The following EYA4 variants were observed in gnomAD, a reference collection of about 807,000 sequenced individuals.
EYA4 encodes the protein protein phosphatase EYA4.
Under a neutral mutation model 87.9 loss-of-function variants are expected in EYA4, and 31 were observed. That is an observed-to-expected ratio of 0.35 (90% CI 0.27 to 0.48). The LOEUF is 0.48. Among genes scored for constraint, EYA4 ranks in the 20% least tolerant of loss-of-function variants. The pLI is 0.99. For missense variants in EYA4, 678 were observed against 761.4 expected, an observed-to-expected ratio of 0.89 and a Z score of 1.29; for synonymous variants, 263 against 270.6, an observed-to-expected ratio of 0.97 and a Z score of 0.28.
rs553385572 is a variant in EYA4, at chr6:133,448,243, T to C, written c.277+64T>C. The stretch of plus-strand genomic sequence containing the variant: ...GTGGATTTGCCCCTCTGGATTGCTG[T>C]CTGTTGCTATGTCTATGTTTGCATC... On this transcript the variant is annotated intron_variant, in intron 5 of 19. Transcript: ENST00000355286. 3 of 1,158,636 alleles carry C rather than the reference T, an allele frequency of 2.6e-6. No homozygotes were observed. In the African/African-American group the frequency reaches 4.5e-5, roughly 18 times the overall value. 71.8% of individuals were successfully genotyped at this position (1,158,636 alleles called of 1,614,324 possible).
chr6:133,264,000 T>C (rs562305742), intron 1 of EYA4, among the ~76,000 whole-genome samples: 1 of 152,212 alleles, frequency 6.6e-6, no homozygotes, highest in Non-Finnish European at 1.5e-5. Context: ...CAGTAGGGAA[T>C]GTACTCCCCC....
chr6:133,379,570 A>G (rs1351770951), intron 2 of EYA4, among the ~76,000 whole-genome samples: 1 of 152,138 alleles, frequency 6.6e-6, no homozygotes, highest in African/African-American at 2.4e-5. Flanking sequence ...AAGATCTGAT[A>G]ATATTCTAGT....
intron 3 of EYA4, among the ~76,000 whole-genome samples, chr6:133,401,468 A>G (rs781080853): frequency 3.7e-4 from 57 of 152,184 alleles, no homozygotes; most frequent in Non-Finnish European, 7.2e-4. Flanking sequence ...CCCTGATTTG[A>G]TTATATGAAT....
intron 2 of EYA4, among the ~76,000 whole-genome samples, chr6:133,275,429 C>G (rs1302843646): frequency 6.6e-6 from 1 of 152,128 alleles, no homozygotes; most frequent in Admixed American, 6.5e-5. Context: ...CACACCCCCA[C>G]GCCTTCACAC....
chr6:133,332,001 T>A (rs966670892), intron 2 of EYA4, among the ~76,000 whole-genome samples: 2 of 152,210 alleles, frequency 1.3e-5, no homozygotes, highest in African/African-American at 2.4e-5. Flanking sequence ...ACCAGGGTTA[T>A]ATGGGTAATA....
At position 133,468,590 on chromosome 6, in the gene EYA4, G is replaced by C. The variant is rs9493627; in HGVS notation, c.829G>C (p.Gly277Arg). 5 of 1,611,506 alleles carry C rather than the reference G, an allele frequency of 3.1e-6. No homozygotes were observed. The highest frequency in any genetic ancestry group is 4.2e-6 in the Non-Finnish European group (5 of 1,178,272). The part of the protein sequence containing the change: ...QQDYPSYTAF[G>R]QNQYAQYYSA... The stretch of plus-strand genomic sequence containing the variant: ...GGATTATCCATCCTATACAGCCTTT[G>C]GCCAAAACCAGTATGCACAGTATTA... Residue 277 changes from glycine to arginine, a missense_variant, in exon 11 of 20, where the codon GGC becomes CGC. Gly to Arg is a moderately radical substitution (Grantham distance 125). Transcript: ENST00000355286.
chr6:133,360,205 AACAT>A, intron 2 of EYA4: 1 of 152,256 alleles, frequency 6.6e-6, no homozygotes, highest in Non-Finnish European at 1.5e-5. Context: ...TTAATTAGAC[AACAT>A]TTACAAGTAA....
chr6:133,243,785 GCATT>G (rs1417989799), intron 1 of EYA4, among the ~76,000 whole-genome samples: 2 of 151,816 alleles, frequency 1.3e-5, no homozygotes, highest in Non-Finnish European at 2.9e-5. Flanking sequence ...TTAGGAGACT[GCATT>G]CAAAGACATT....
chr6:133,525,091 A>C (rs2128817010), intron 18 of EYA4, 63 bp from the exon 19 acceptor site: 1 of 1,613,668 alleles, frequency 6.2e-7, no homozygotes, highest in South Asian at 1.1e-5. Flanking sequence ...GAGATGGCCG[A>C]GATGAGGAGC....
At chr6:133,362,213 C>A (rs1436138528) in intron 2 of EYA4, among the ~76,000 whole-genome samples, 1 of 152,120 alleles carries the variant, frequency 6.6e-6, no homozygotes, top group Non-Finnish European at 1.5e-5. Flanking sequence ...ACCTTAGATT[C>A]ACTAGGAGAC....
chr6:133,463,354 CTTTTTT>C (rs571663764), intron 9 of EYA4, among the ~76,000 whole-genome samples: 1 of 115,248 alleles, frequency 8.7e-6, no homozygotes, highest in Non-Finnish European at 1.8e-5. Flanking sequence ...TGTGTTTTAT[CTTTTTT>C]TTTTTTTTTT....
At chr6:133,434,779 G>A (rs888256923) in intron 3 of EYA4, among the ~76,000 whole-genome samples, 6 of 152,018 alleles carry the variant, frequency 3.9e-5, no homozygotes, top group Admixed American at 6.5e-5. Flanking sequence ...ACCTAGATTT[G>A]TTTATCCTGT....
chr6:133,391,061 T>C (rs1787221839), intron 3 of EYA4, among the ~76,000 whole-genome samples: 1 of 152,092 alleles, frequency 6.6e-6, no homozygotes. Flanking sequence ...GAAGAAATAG[T>C]AGATGAGATT....
chr6:133,473,870 A>G (rs1182452849), intron 11 of EYA4, among the ~76,000 whole-genome samples: 1 of 151,906 alleles, frequency 6.6e-6, no homozygotes, highest in Non-Finnish European at 1.5e-5. Context: ...TTTGTGCCCT[A>G]GGCGCCTTAC....
At chr6:133,452,937 T>C (rs1793587548) in intron 5 of EYA4, 1 of 152,102 alleles carries the variant, frequency 6.6e-6, no homozygotes, top group Non-Finnish European at 1.5e-5. Flanking sequence ...TCTTTTGAAA[T>C]CAAAACATTT....
chr6:133,254,858 C>T (rs1775213050), intron 1 of EYA4, among the ~76,000 whole-genome samples: 1 of 152,196 alleles, frequency 6.6e-6, no homozygotes, highest in Non-Finnish European at 1.5e-5. Flanking sequence ...AAAAAGAGAA[C>T]TTCATGCTGG....
intron 2 of EYA4, among the ~76,000 whole-genome samples, chr6:133,289,128 A>G (rs1778289727): frequency 6.6e-6 from 1 of 152,224 alleles, no homozygotes; most frequent in African/African-American, 2.4e-5. Flanking sequence ...AGTGGAGAAT[A>G]GACTTCAAGT....
chr6:133,447,971 G>C (rs559259179), intron 4 of EYA4, 140 bp from the exon 5 acceptor site: 1 of 701,102 alleles, frequency 1.4e-6, no homozygotes, highest in South Asian at 1.5e-5. Context: ...AAACAGACCT[G>C]ATAAACTAAA....
chr6:133,422,122 C>T (rs375549808), intron 3 of EYA4, among the ~76,000 whole-genome samples: 10 of 152,200 alleles, frequency 6.6e-5, no homozygotes, highest in East Asian at 3.9e-4. Flanking sequence ...CCACTTGCTA[C>T]CTATATAAGG....
Sources: allele counts gnomAD v4.1 joint callset (sites outside exome capture counted in the v4.1 genomes callset), GRCh38; gene constraint gnomAD v4.1.1; transcripts MANE v1.5; gene names NCBI Gene and HGNC (gene_info 2026-07-23, HGNC 2026-07-21).